DNAI4: variants seen among roughly 807,000 people sequenced by gnomAD.
The protein encoded by DNAI4 is dynein axonemal intermediate chain 4.
DNAI4 carries 85 observed loss-of-function variants against 105.8 expected under a neutral mutation model. The ratio of observed to expected loss-of-function variants is 0.80; its 90% CI spans 0.67 to 0.96. The LOEUF (loss-of-function observed/expected upper bound fraction) is 0.96, where lower values mean the gene tolerates loss of function less well. DNAI4 is among the 40% of genes least tolerant of loss of function. The pLI is 0.00. For missense variants in DNAI4, 1,014 were observed against 1,005.6 expected (o/e 1.01, Z -0.11); for synonymous variants, 352 against 331.5 (o/e 1.06, Z -0.67).
intron 3 of DNAI4, 108 bp downstream of exon 3, chr1:66,893,111 AAGAAAGAAAG>A (rs1413681305): frequency 1.4e-5 from 7 of 496,780 alleles, no homozygotes; most frequent in African/African-American, 1.2e-4. Flanking sequence ...GAAAGAAAGA[AAGAAAGAAAG>A]AAACTGGGAG....
chr1:66,852,368 CTCAT>C (rs1646414379), intron 7 of DNAI4, among the ~76,000 whole-genome samples: 1 of 151,862 alleles, frequency 6.6e-6, no homozygotes, highest in South Asian at 2.1e-4. Flanking sequence ...AGAATACTTG[CTCAT>C]TCATTTTATG....
intron 6 of DNAI4, among the ~76,000 whole-genome samples, chr1:66,864,563 C>A (rs1434107789): frequency 6.6e-6 from 1 of 152,164 alleles, no homozygotes; most frequent in Non-Finnish European, 1.5e-5. Context: ...TTTAAAAGAG[C>A]AAGGTAGGCC....
chr1:66,872,327 C>G (rs1055574276), intron 5 of DNAI4, among the ~76,000 whole-genome samples: 1 of 152,090 alleles, frequency 6.6e-6, no homozygotes, highest in African/African-American at 2.4e-5. Context: ...CTCTCAGGTT[C>G]AAGTGATTCT....
Position 66,837,497 on chromosome 1 carries a change from T to A in DNAI4, c.1581+213A>T, listed in dbSNP as rs866584190. 3 of 584,656 alleles carry A rather than the reference T, an allele frequency of 5.1e-6. 1 individual carries two copies. The African/African-American group carries it at 5.7e-5, about 11-fold the overall frequency. The allele number at this position is 584,656 out of a possible 1,614,324, so 36.2% of individuals were successfully genotyped here. ...ATATATAACAGCATATAGTACACAT[T>A]CAATAAATATTTACTGAATGAATTA... On this transcript the variant is annotated intron_variant, in intron 10 of 16. Transcript: ENST00000371026.
At chr1:66,875,049 T>C (rs1179358164) in intron 4 of DNAI4, 112 bp from the exon 5 acceptor site, 1 of 1,056,416 alleles carries the variant, frequency 9.5e-7, no homozygotes, top group African/African-American at 1.6e-5. Context: ...GTGGTTTATA[T>C]AGTCAAGGAA....
intron 2 of DNAI4, 154 bp downstream of exon 2, chr1:66,905,047 G>A (rs1478657572): frequency 7.5e-6 from 4 of 536,464 alleles, no homozygotes; most frequent in East Asian, 6.2e-5. Context: ...TCAATATTAT[G>A]TTGTATGGAA....
At chr1:66,814,294 A>C in intron 16 of DNAI4, 114 bp from the exon 17 acceptor site, 1 of 721,484 alleles carries the variant, frequency 1.4e-6, no homozygotes, top group African/African-American at 1.8e-5. Context: ...ATCCAATAAG[A>C]TTGTAAAAGG....
intron 3 of DNAI4, among the ~76,000 whole-genome samples, chr1:66,892,773 G>T (rs912217912): frequency 3.3e-5 from 5 of 150,252 alleles, no homozygotes; most frequent in Non-Finnish European, 5.9e-5. Flanking sequence ...CAGGTGTAGT[G>T]GGGGGGCGCC....
chr1:66,911,017 C>G (rs1028907864), intron 1 of DNAI4, among the ~76,000 whole-genome samples: 1 of 152,194 alleles, frequency 6.6e-6, no homozygotes. Flanking sequence ...GCACTATCTA[C>G]CTGAAGATAG....
intron 2 of DNAI4, among the ~76,000 whole-genome samples, chr1:66,896,490 T>G (rs1648350521): frequency 6.6e-6 from 1 of 152,182 alleles, no homozygotes; most frequent in Admixed American, 6.5e-5. Context: ...GCACCAAAAG[T>G]TCACGTGTTG....
chr1:66,814,952 A>T (rs1645486697), intron 16 of DNAI4, among the ~76,000 whole-genome samples: 1 of 152,230 alleles, frequency 6.6e-6, no homozygotes. Flanking sequence ...TGAAAATCAA[A>T]GATGGGAGGT....
intron 5 of DNAI4, among the ~76,000 whole-genome samples, chr1:66,872,336 C>T (rs930976717): frequency 6.6e-6 from 1 of 152,118 alleles, no homozygotes; most frequent in East Asian, 1.9e-4. Flanking sequence ...TCAAGTGATT[C>T]TCCTGCCTCG....
At chr1:66,858,332 A>G (rs269407) in intron 7 of DNAI4, among the ~76,000 whole-genome samples, 66,411 of 151,148 alleles carry the variant, frequency 0.44, 15,383 homozygotes, top group East Asian at 0.67. Flanking sequence ...GACCGAGACC[A>G]TCCCAGCTAA....
At chr1:66,877,485 T>C (rs1165908360) in intron 4 of DNAI4, among the ~76,000 whole-genome samples, 1 of 152,194 alleles carries the variant, frequency 6.6e-6, no homozygotes, top group Non-Finnish European at 1.5e-5. Flanking sequence ...GTAAACTTTG[T>C]ATTTTAGAAT....
chr1:66,818,129 G>A (rs6690854), intron 16 of DNAI4, among the ~76,000 whole-genome samples: 2 of 151,564 alleles, frequency 1.3e-5, no homozygotes, highest in African/African-American at 2.4e-5. Context: ...ATATATATGA[G>A]AATTTGCCAT....
chr1:66,913,845 G>T (rs918772089), intron 1 of DNAI4, among the ~76,000 whole-genome samples: 5 of 152,092 alleles, frequency 3.3e-5, no homozygotes, highest in Non-Finnish European at 7.4e-5. Context: ...AGCCAGGCGT[G>T]GTGGCGGGCA....
intron 1 of DNAI4, among the ~76,000 whole-genome samples, chr1:66,913,612 T>C (rs1569885430): frequency 6.6e-6 from 1 of 151,992 alleles, no homozygotes; most frequent in Non-Finnish European, 1.5e-5. Flanking sequence ...CCAGGAAATA[T>C]ATATAAGGGC....
At chr1:66,825,446 G>T (rs538004865) in intron 15 of DNAI4, among the ~76,000 whole-genome samples, 1 of 152,194 alleles carries the variant, frequency 6.6e-6, no homozygotes, top group African/African-American at 2.4e-5. Flanking sequence ...CTCCCAAAGT[G>T]CTGGGATTAC....
In DNAI4 at chr1:66,874,861, G is replaced by T. The variant is rs919153533; in HGVS notation, c.720C>A (p.Leu240=). Residue 240 remains leucine, a synonymous_variant, in exon 5 of 17, where the codon CTC becomes CTA. Transcript: ENST00000371026. The part of the protein sequence containing the change: ...EDLEKNIEII[L]TETETLRFFD... ...AAAATCTCAGTGTTTCTGTCTCTGTGAGTATTATCTCTATATTCTTCTCCA... is the reference window on the plus strand; with the variant it reads ...AAAATCTCAGTGTTTCTGTCTCTGTTAGTATTATCTCTATATTCTTCTCCA... 9 of 1,613,662 alleles carry T rather than the reference G, an allele frequency of 5.6e-6. No individual in the cohort carries two copies. The highest frequency in any genetic ancestry group is 7.6e-6 in the Non-Finnish European group (9 of 1,179,726).
Sources: gnomAD v4.1 joint callset for allele counts (sites outside exome capture counted in the v4.1 genomes callset) on GRCh38, gnomAD v4.1.1 for gene constraint, MANE v1.5 for transcripts, NCBI Gene and HGNC (gene_info 2026-07-23, HGNC 2026-07-21) for gene names.